TMEM132D: variants seen among roughly 807,000 people sequenced by gnomAD.
TMEM132D encodes the protein transmembrane protein 132D, also known as mature OL transmembrane protein.
A neutral mutation model predicts 62.3 loss-of-function variants in TMEM132D; 21 were observed. That is an observed-to-expected ratio of 0.34 (90% confidence interval 0.24 to 0.49). The LOEUF (loss-of-function observed/expected upper bound fraction) is 0.49. TMEM132D is among the 20% of genes least tolerant of loss of function. The probability of loss-of-function intolerance (pLI) is 0.99; values close to 1 mark genes in which losing one functional copy is unlikely to be tolerated. For missense variants in TMEM132D, 1,346 were observed against 1,402.8 expected, an observed-to-expected ratio of 0.96 and a Z score of 0.65; for synonymous variants, 621 against 575.6, an observed-to-expected ratio of 1.08 and a Z score of -1.13.
Position 129,698,397 on chromosome 12 carries a change from C to A in TMEM132D, c.968+1413G>T, listed in dbSNP as rs538601455. Among the ~76,000 whole-genome samples the A allele has an allele frequency of 2.0e-5, 3 of 150,824 alleles. No homozygotes were observed. In the East Asian group the frequency reaches 5.9e-4, roughly 30 times the overall value. ...GATGCATGTCCATTAGGTTCTGTTTCTTTAGTTAAAATAGGCATTTCTAAT... is the reference window on the plus strand; with the variant it reads ...GATGCATGTCCATTAGGTTCTGTTTATTTAGTTAAAATAGGCATTTCTAAT... On this transcript the variant is annotated intron_variant, in intron 2 of 8. Coordinates refer to ENST00000422113, the MANE Select transcript of TMEM132D (RefSeq NM_133448.3).
At chr12:129,310,436 T>C (rs920529198) in intron 4 of TMEM132D, among the ~76,000 whole-genome samples, 28 of 152,310 alleles carry the variant, frequency 1.8e-4, no homozygotes, top group African/African-American at 6.5e-4. Flanking sequence ...TGCTGTTCAG[T>C]TGTGGGACAG....
intron 1 of TMEM132D, among the ~76,000 whole-genome samples, chr12:129,766,274 T>C (rs1305516422): frequency 6.6e-6 from 1 of 152,208 alleles, no homozygotes; most frequent in Non-Finnish European, 1.5e-5. Flanking sequence ...TGACTTATAC[T>C]CACTAGAATC....
chr12:129,221,763 T>C (rs955380950), intron 4 of TMEM132D, among the ~76,000 whole-genome samples: 18 of 152,308 alleles, frequency 1.2e-4, no homozygotes, highest in Middle Eastern at 3.4e-3. Context: ...CCTTGTCTTT[T>C]GCTTGTTTGG....
At chr12:129,585,654 C>G (rs1436011990) in intron 2 of TMEM132D, among the ~76,000 whole-genome samples, 1 of 152,114 alleles carries the variant, frequency 6.6e-6, no homozygotes, top group Non-Finnish European at 1.5e-5. Context: ...TAATTTTTAT[C>G]ACATGTTAAA....
chr12:129,400,746 G>A (rs150975932), intron 3 of TMEM132D, among the ~76,000 whole-genome samples: 1 of 152,176 alleles, frequency 6.6e-6, no homozygotes, highest in African/African-American at 2.4e-5. Context: ...AAAATTCTTG[G>A]GGAAAATATG....
chr12:129,330,198 C>G (rs1447180555), intron 4 of TMEM132D, among the ~76,000 whole-genome samples: 1 of 152,084 alleles, frequency 6.6e-6, no homozygotes, highest in Non-Finnish European at 1.5e-5. Flanking sequence ...AGGGTCAGGC[C>G]AAGAATAATC....
At chr12:129,680,567 T>C (rs1880752356) in intron 2 of TMEM132D, among the ~76,000 whole-genome samples, 1 of 152,146 alleles carries the variant, frequency 6.6e-6, no homozygotes, top group African/African-American at 2.4e-5. Context: ...AGCCCAGTGA[T>C]TGTCTCTGCC....
chr12:129,778,114 C>CAAAAAA (rs35384142), intron 1 of TMEM132D, among the ~76,000 whole-genome samples: 1 of 85,358 alleles, frequency 1.2e-5, no homozygotes, highest in African/African-American at 4.6e-5. Context: ...GACCCTGTCT[C>CAAAAAA]AAAAAAAAAA....
At chr12:129,809,541 G>A (rs1258892939) in intron 1 of TMEM132D, among the ~76,000 whole-genome samples, 2 of 152,050 alleles carry the variant, frequency 1.3e-5, no homozygotes, top group South Asian at 4.1e-4. Context: ...AAATGGGGCA[G>A]CTTTGCGCTA....
chr12:129,167,542 A>T (rs1343226496), intron 5 of TMEM132D, among the ~76,000 whole-genome samples: 1 of 152,112 alleles, frequency 6.6e-6, no homozygotes, highest in Non-Finnish European at 1.5e-5. Context: ...GGAGTACAGG[A>T]GCCACTGGTC....
intron 2 of TMEM132D, among the ~76,000 whole-genome samples, chr12:129,668,243 C>A (rs1244584267): frequency 6.9e-6 from 1 of 145,652 alleles, no homozygotes. Context: ...TATTAGTGTA[C>A]CTTATTACAC....
At chr12:129,217,537 G>A (rs1408813098) in intron 4 of TMEM132D, among the ~76,000 whole-genome samples, 4 of 152,288 alleles carry the variant, frequency 2.6e-5, no homozygotes, top group East Asian at 1.9e-4. Flanking sequence ...TTGGCTCGGG[G>A]AAGGCATCAG....
At chr12:129,193,842 A>G (rs1201935944) in intron 5 of TMEM132D, among the ~76,000 whole-genome samples, 1 of 152,246 alleles carries the variant, frequency 6.6e-6, no homozygotes, top group Non-Finnish European at 1.5e-5. Context: ...CCACTCATGG[A>G]TAACTGAGGA....
At chr12:129,116,855 T>C (rs1408750863) in intron 5 of TMEM132D, among the ~76,000 whole-genome samples, 1 of 137,852 alleles carries the variant, frequency 7.3e-6, no homozygotes, top group Non-Finnish European at 1.5e-5. Context: ...ATTAAACATA[T>C]CTTGCCATTC....
At position 129,081,739 on chromosome 12, in the gene TMEM132D, A is replaced by ATTT. The variant is rs34663182; in HGVS notation, c.1923+17_1923+19dup. On this transcript the variant is annotated intron_variant, in intron 7 of 8. Coordinates refer to ENST00000422113, the MANE Select transcript of TMEM132D (RefSeq NM_133448.3). ...AAGACAGAGAGATCTTGATTTGGGG[A>ATTT]TTTTTTTTTTTTTTTTTACCTGAAT... The ATTT allele has an allele frequency of 7.6e-5, 113 of 1,481,840 alleles. No homozygotes were observed. The highest frequency in any genetic ancestry group is 3.8e-4 in the Middle Eastern group (2 of 5,254). The allele number at this position is 1,481,840 out of a possible 1,614,324, so 91.8% of individuals were successfully genotyped here.
chr12:129,543,072 A>G (rs1295267854), intron 2 of TMEM132D, among the ~76,000 whole-genome samples: 2 of 150,992 alleles, frequency 1.3e-5, no homozygotes. Flanking sequence ...TAAGCAATGC[A>G]TGACAGTAAA....
At chr12:129,086,193 C>T (rs373820685) in intron 5 of TMEM132D, among the ~76,000 whole-genome samples, 11 of 87,572 alleles carry the variant, frequency 1.3e-4, no homozygotes, top group South Asian at 6.9e-4. Flanking sequence ...CACATAGTCA[C>T]GCGCGCGCGT....
chr12:129,553,747 G>A lies in TMEM132D; in HGVS notation c.969-22542C>T, dbSNP rs563462271. Among the ~76,000 whole-genome samples, 78 of 152,294 alleles carry A rather than the reference G, an allele frequency of 5.1e-4. 1 individual carries two copies. The highest frequency in any genetic ancestry group is 9.0e-4 in the Non-Finnish European group (61 of 68,028). On this transcript the variant is annotated intron_variant, in intron 2 of 8. Coordinates refer to ENST00000422113, the MANE Select transcript of TMEM132D (RefSeq NM_133448.3). Reference sequence around the variant, plus strand: ...CTAAATTTATCACTCTAGAAAGCCCGTCTATTCCGCAGTCCTCTTCCATTT... The same window carrying A: ...CTAAATTTATCACTCTAGAAAGCCCATCTATTCCGCAGTCCTCTTCCATTT...
intron 4 of TMEM132D, among the ~76,000 whole-genome samples, chr12:129,286,312 A>G (rs1390677861): frequency 4.6e-5 from 7 of 152,226 alleles, no homozygotes; most frequent in Non-Finnish European, 7.3e-5. Context: ...TTCAGAAAAC[A>G]TATCACCATG....
Sources: allele counts gnomAD v4.1 joint callset (sites outside exome capture counted in the v4.1 genomes callset), GRCh38; gene constraint gnomAD v4.1.1; transcripts MANE v1.5; gene names NCBI Gene and HGNC (gene_info 2026-07-23, HGNC 2026-07-21).